The following STAU1 variants were observed in gnomAD, a reference collection of about 807,000 sequenced individuals.
The protein encoded by STAU1 is staufen double-stranded RNA binding protein 1, also known as double-stranded RNA-binding protein Staufen homolog 1.
In STAU1, 13 loss-of-function variants were observed where a neutral mutation model predicts 62.9. That is an observed-to-expected ratio of 0.21 (90% CI 0.13 to 0.33). STAU1 has a LOEUF of 0.33. Ranked by LOEUF, STAU1 falls within the 10% of genes least tolerant of loss-of-function variation. The pLI is 1.00. For missense variants in STAU1, 571 were observed against 712.1 expected, an observed-to-expected ratio of 0.80 and a Z score of 2.25; for synonymous variants, 269 against 265.1, an observed-to-expected ratio of 1.01 and a Z score of -0.14.
intron 3 of STAU1, among the ~76,000 whole-genome samples, chr20:49,161,175 A>AC (rs2146335029): frequency 6.6e-6 from 1 of 152,086 alleles, no homozygotes; most frequent in East Asian, 1.9e-4. Context: ...AAAAAAAAAA[A>AC]AACTAGCTGG....
At chr20:49,219,196 T>C in the STAU1 span, 6 of 673,740 alleles carry the variant, frequency 8.9e-6, no homozygotes, top group East Asian at 2.8e-5. Context: ...CCTCAAATAC[T>C]GCCACCGTTT....
At chr20:49,153,187 T>C (rs953164307) in intron 4 of STAU1, among the ~76,000 whole-genome samples, 2 of 146,698 alleles carry the variant, frequency 1.4e-5, no homozygotes, top group Non-Finnish European at 3.0e-5. Context: ...GAGGCAGAGC[T>C]TGCAGTGAGC....
intron 1 of STAU1, among the ~76,000 whole-genome samples, chr20:49,175,798 C>CATTTTT (rs58550746): frequency 9.5e-6 from 1 of 104,824 alleles, no homozygotes; most frequent in Admixed American, 1.1e-4. Flanking sequence ...CTCATAATGC[C>CATTTTT]TTTTTTTTTT....
chr20:49,187,786 C>T (rs988446912), intron 1 of STAU1, among the ~76,000 whole-genome samples: 3 of 150,782 alleles, frequency 2.0e-5, no homozygotes, highest in Admixed American at 2.0e-4. Context: ...CCCCCCCCCC[C>T]CCGCCTGCGC....
the STAU1 span, among the ~76,000 whole-genome samples, chr20:49,196,219 G>A: frequency 6.9e-6 from 1 of 144,956 alleles, no homozygotes; most frequent in East Asian, 2.2e-4. Flanking sequence ...GGCGGATCAC[G>A]AGGTCAGGAG....
At chr20:49,189,820 T>C (rs527337430), upstream of STAU1, among the ~76,000 whole-genome samples, 8 of 152,136 alleles carry the variant, frequency 5.3e-5, no homozygotes, top group South Asian at 4.1e-4. Flanking sequence ...CTCAATCTAA[T>C]AATTGCTCAA....
At chr20:49,219,236 CT>C in the STAU1 span, 2 of 1,061,708 alleles carry the variant, frequency 1.9e-6, no homozygotes, top group Non-Finnish European at 2.7e-6. Context: ...ATTTGCTTAC[CT>C]AAAAAGCTCC....
intron 2 of STAU1, among the ~76,000 whole-genome samples, chr20:49,171,085 T>A (rs767552970): frequency 6.6e-6 from 1 of 152,256 alleles, no homozygotes; most frequent in Non-Finnish European, 1.5e-5. Flanking sequence ...TGTTAAACTC[T>A]TCCTCAAAGA....
chr20:49,126,589 A>AAAAAAAAAAACAAAAAAAAAAC (rs760560771), intron 6 of STAU1, among the ~76,000 whole-genome samples: 32 of 44,262 alleles, frequency 7.2e-4, no homozygotes, highest in Non-Finnish European at 1.1e-3. Context: ...AAAAAAAAAC[A>AAAAAAAAAAACAAAAAAAAAAC]AAAAAAAAAC....
At chr20:49,180,386 C>G (rs147312059) in intron 1 of STAU1, among the ~76,000 whole-genome samples, 2 of 151,134 alleles carry the variant, frequency 1.3e-5, no homozygotes, top group African/African-American at 2.4e-5. Flanking sequence ...TGCAGCGGCA[C>G]GATGTCAGGT....
intron 1 of STAU1, among the ~76,000 whole-genome samples, chr20:49,177,154 C>T (rs1257365670): frequency 1.3e-5 from 2 of 151,932 alleles, no homozygotes; most frequent in Non-Finnish European, 2.9e-5. Context: ...TCGTGATCCG[C>T]CCACCTCGGC....
the STAU1 span, among the ~76,000 whole-genome samples, chr20:49,207,137 G>A: frequency 1.3e-5 from 2 of 151,910 alleles, no homozygotes; most frequent in Admixed American, 6.6e-5. Context: ...GAGGTGGGAG[G>A]ACCACTTGAG....
chr20:49,115,681 G>C (rs2092303457), intron 13 of STAU1, 101 bp downstream of exon 13: 1 of 1,049,096 alleles, frequency 9.5e-7, no homozygotes. Flanking sequence ...AAGTAACTCA[G>C]GCAAATATTT....
chr20:49,161,225 G>A (rs2093443238), intron 3 of STAU1, among the ~76,000 whole-genome samples: 1 of 151,894 alleles, frequency 6.6e-6, no homozygotes, highest in African/African-American at 2.4e-5. Context: ...TACTCAGGAG[G>A]CCAAGGTGGG....
At chr20:49,186,756 C>T (rs348286) in intron 1 of STAU1, among the ~76,000 whole-genome samples, 111,282 of 151,720 alleles carry the variant, frequency 0.73, 41,667 homozygotes, top group African/African-American at 0.88. Flanking sequence ...AGTAGCAATG[C>T]AATTTACACT....
In STAU1 at chr20:49,118,652, C is replaced by T. The variant is rs571944520; in HGVS notation, c.1114-244G>A. Among the ~76,000 whole-genome samples the T allele has an allele frequency of 2.6e-5, 4 of 152,288 alleles. No individual in the cohort carries two copies. In the East Asian group the frequency reaches 7.7e-4, roughly 29 times the overall value. On this transcript the variant is annotated intron_variant, in intron 9 of 13. Coordinates refer to ENST00000371856, the MANE Select transcript of STAU1 (RefSeq NM_017453.4). ...AAGAGCATCTAACAAAGTGCACTAA[C>T]CTGTGAATGCTGAGCTGCACTCTGC...
At chr20:49,155,071 A>G (rs2093336386) in intron 3 of STAU1, among the ~76,000 whole-genome samples, 1 of 137,178 alleles carries the variant, frequency 7.3e-6, no homozygotes, top group Non-Finnish European at 1.6e-5. Context: ...AGGAAACAAG[A>G]GCAAAACTCT....
intron 3 of STAU1, 112 bp downstream of exon 3, chr20:49,165,885 C>T (rs1317936958): frequency 9.3e-7 from 1 of 1,071,266 alleles, no homozygotes; most frequent in African/African-American, 1.6e-5. Flanking sequence ...GTGATACTTT[C>T]TTTTGCTTTT....
At chr20:49,192,165 T>A (rs1388696418), upstream of STAU1, among the ~76,000 whole-genome samples, 1 of 151,348 alleles carries the variant, frequency 6.6e-6, no homozygotes, top group African/African-American at 2.4e-5. Flanking sequence ...GCTAACATGG[T>A]GAAACCCCAT....
Sources: gnomAD v4.1 joint callset for allele counts (sites outside exome capture counted in the v4.1 genomes callset) on GRCh38, gnomAD v4.1.1 for gene constraint, MANE v1.5 for transcripts, NCBI Gene and HGNC (gene_info 2026-07-23, HGNC 2026-07-21) for gene names.